Variants in SLC22A23 observed in about 807,000 individuals in gnomAD.
SLC22A23 encodes the protein solute carrier family 22 member 23.
SLC22A23 carries 26 observed loss-of-function variants against 61.0 expected under a neutral mutation model. The ratio of observed to expected loss-of-function variants is 0.43; its 90% CI spans 0.31 to 0.59. The LOEUF (loss-of-function observed/expected upper bound fraction) is 0.59. Ranked by LOEUF, SLC22A23 falls within the 20% of genes least tolerant of loss-of-function variation. The probability of loss-of-function intolerance (pLI) is 0.11; values close to 1 mark genes in which losing one functional copy is unlikely to be tolerated. For synonymous variants in SLC22A23, 430 were observed against 413.9 expected, an observed-to-expected ratio of 1.04 and a Z score of -0.47; for missense variants, 796 against 934.7, an observed-to-expected ratio of 0.85 and a Z score of 1.94.
intron 1 of SLC22A23, among the ~76,000 whole-genome samples, chr6:3,417,054 T>C (rs548073539): frequency 6.6e-6 from 1 of 152,258 alleles, no homozygotes; most frequent in East Asian, 1.9e-4. Context: ...CTGCCTCATG[T>C]TTCCAAACTT....
intron 1 of SLC22A23, among the ~76,000 whole-genome samples, chr6:3,428,835 T>TA (rs1361434383): frequency 6.6e-6 from 1 of 152,132 alleles, no homozygotes; most frequent in Non-Finnish European, 1.5e-5. Context: ...AGTGTTCATC[T>TA]AAAAAAGGGA....
rs79938760 is a variant in SLC22A23, at chr6:3,372,428, G to A, written c.913+37760C>T. On this transcript the variant is annotated intron_variant, in intron 3 of 9. Coordinates refer to ENST00000406686, the MANE Select transcript of SLC22A23 (RefSeq NM_015482.2). This position sits in a 1 kb window ranked among gnomAD's most constrained non-coding sequence, Gnocchi z 4.7. The stretch of plus-strand genomic sequence containing the variant: ...GGATGGGCGTGGCTGCTGACAGCAC[G>A]TAAGGTGGACAGAGCAGGGCATGAG... Among the ~76,000 whole-genome samples, 239 of 152,352 alleles carry A rather than the reference G, an allele frequency of 1.6e-3. 3 individuals carry two copies. The highest frequency in any genetic ancestry group is 2.9e-3 in the East Asian group (15 of 5,188).
chr6:3,354,905 C>T (rs926178203), intron 3 of SLC22A23, among the ~76,000 whole-genome samples: 1 of 152,124 alleles, frequency 6.6e-6, no homozygotes, highest in Non-Finnish European at 1.5e-5. Context: ...GTAGACAACA[C>T]GCAGAACAGA....
intron 3 of SLC22A23, among the ~76,000 whole-genome samples, chr6:3,378,824 A>T (rs572285930): frequency 1.0e-3 from 153 of 151,410 alleles, no homozygotes; most frequent in African/African-American, 3.6e-3. Flanking sequence ...CACCCGGCTA[A>T]TTTTTTGTAT....
chr6:3,441,275 GC>G (rs1771576590), intron 1 of SLC22A23, among the ~76,000 whole-genome samples: 1 of 152,186 alleles, frequency 6.6e-6, no homozygotes, highest in Non-Finnish European at 1.5e-5. Flanking sequence ...GTGGACACGA[GC>G]CCTTCTCTCC....
At chr6:3,284,345 G>A (rs1759766936) in intron 8 of SLC22A23, among the ~76,000 whole-genome samples, 2 of 152,226 alleles carry the variant, frequency 1.3e-5, no homozygotes, top group Non-Finnish European at 2.9e-5. Context: ...TGCCCAACGT[G>A]TGGGACAGGG....
chr6:3,310,376 CCT>C (rs763640555), intron 4 of SLC22A23, among the ~76,000 whole-genome samples: 147 of 77,702 alleles, frequency 1.9e-3, no homozygotes, highest in Non-Finnish European at 3.7e-3. Context: ...ACTCGAGCAC[CCT>C]GTCTCCCACT....
chr6:3,424,375 TG>T (rs1770342598), intron 1 of SLC22A23, among the ~76,000 whole-genome samples: 1 of 152,380 alleles, frequency 6.6e-6, no homozygotes, highest in Admixed American at 6.5e-5. Flanking sequence ...GTATGTCACC[TG>T]TCAGTCAAAG....
At chr6:3,334,108 A>C (rs1438136476) in intron 3 of SLC22A23, among the ~76,000 whole-genome samples, 2 of 152,234 alleles carry the variant, frequency 1.3e-5, no homozygotes, top group Non-Finnish European at 2.9e-5. Context: ...GCTGCTTTAG[A>C]GTTTATAACA....
rs1479975669 is a variant in SLC22A23, at chr6:3,323,824, G to T, written c.1082+10C>A. ...GCACCAGCCCAGGGCGCTGTGCAGA[G>T]TGTACTCACGACCAGTAGAGCAGCA... On this transcript the variant is annotated intron_variant, in intron 4 of 9. Coordinates refer to ENST00000406686, the MANE Select transcript of SLC22A23 (RefSeq NM_015482.2). 6.2e-7 allele frequency: 1 copy of T among 1,612,178 alleles called. No homozygotes were observed. The highest frequency in any genetic ancestry group is 1.7e-5 in the Admixed American group (1 of 59,894).
intron 3 of SLC22A23, among the ~76,000 whole-genome samples, chr6:3,395,083 T>C (rs1432430538): frequency 6.6e-6 from 1 of 152,216 alleles, no homozygotes; most frequent in Non-Finnish European, 1.5e-5. Flanking sequence ...ATTGTAGCCA[T>C]CTCTGGGTGT....
rs534642189 is a variant in SLC22A23 at position 3,426,716 on chromosome 6, C to T, written c.655-10861G>A. Among the ~76,000 whole-genome samples the T allele has an allele frequency of 3.9e-5, 6 of 152,174 alleles. No homozygotes were observed. The South Asian group carries it at 8.3e-4, about 21-fold the overall frequency. The stretch of plus-strand genomic sequence containing the variant: ...AGCTCAAACTAGAAGCCAGTACAAC[C>T]GTGGATCTAAATGATGACCTTTTCC... On this transcript the variant is annotated intron_variant, in intron 1 of 9. Transcript: ENST00000406686.
intron 1 of SLC22A23, among the ~76,000 whole-genome samples, chr6:3,430,047 A>G (rs1297848811): frequency 1.3e-5 from 2 of 152,202 alleles, no homozygotes; most frequent in South Asian, 2.1e-4. Flanking sequence ...TATGTTATGT[A>G]CATTTTCCCA....
chr6:3,281,039 C>T (rs4555972), intron 9 of SLC22A23, among the ~76,000 whole-genome samples: 98,755 of 152,114 alleles, frequency 0.65, 38,400 homozygotes, highest in Non-Finnish European at 0.86. Context: ...CGCCTGCCTC[C>T]TCTCTCACCT....
intron 4 of SLC22A23, chr6:3,323,278 C>T (rs1286764626): frequency 1.5e-5 from 7 of 456,434 alleles, no homozygotes; most frequent in Non-Finnish European, 2.6e-5. Flanking sequence ...GCTGCATCCA[C>T]TCAACTCTGT....
chr6:3,404,839 C>T (rs1313782849), intron 3 of SLC22A23, among the ~76,000 whole-genome samples: 1 of 152,066 alleles, frequency 6.6e-6, no homozygotes, highest in Admixed American at 6.5e-5. Context: ...GCAGTTTGCC[C>T]GCAGGGTTAG....
chr6:3,425,460 AT>A (rs1172141450), intron 1 of SLC22A23, among the ~76,000 whole-genome samples: 1 of 151,642 alleles, frequency 6.6e-6, no homozygotes, highest in African/African-American at 2.4e-5. Context: ...AATTTTTTGT[AT>A]TTTTAGTAGA....
intron 2 of SLC22A23, 71 bp downstream of exon 2, chr6:3,415,681 T>C (rs1769646169): frequency 9.2e-7 from 1 of 1,087,144 alleles, no homozygotes; most frequent in Non-Finnish European, 1.4e-6. Context: ...TAACACTGAC[T>C]ATTTTTCTTT....
intron 3 of SLC22A23, among the ~76,000 whole-genome samples, chr6:3,352,402 G>C (rs12204759): frequency 6.6e-6 from 1 of 151,314 alleles, no homozygotes; most frequent in Non-Finnish European, 1.5e-5. Context: ...CACAGACACA[G>C]CCACAGAAGC....
Sources: gnomAD v4.1 joint callset for allele counts (sites outside exome capture counted in the v4.1 genomes callset) on GRCh38, gnomAD v4.1.1 for gene constraint, Gnocchi (gnomAD v3.1) non-coding constraint, MANE v1.5 for transcripts, NCBI Gene and HGNC (gene_info 2026-07-23, HGNC 2026-07-21) for gene names.